CEP112: variants seen among roughly 807,000 people sequenced by gnomAD.
CEP112 encodes centrosomal protein 112.
Under a neutral mutation model 153.0 loss-of-function variants are expected in CEP112, and 127 were observed. That is an observed-to-expected ratio of 0.83 (90% CI 0.72 to 0.96). The LOEUF is 0.96. CEP112 is among the 40% of genes least tolerant of loss of function. The pLI is 0.00. For synonymous variants in CEP112, 358 were observed against 374.4 expected (o/e 0.96, Z 0.51); for missense variants, 1,089 against 1,101.2 (o/e 0.99, Z 0.16).
intron 12 of CEP112, among the ~76,000 whole-genome samples, chr17:66,036,881 C>T (rs2065762484): frequency 6.6e-6 from 1 of 152,178 alleles, no homozygotes; most frequent in Non-Finnish European, 1.5e-5. Flanking sequence ...CACTGCAATA[C>T]TTGAGGTCTC....
At chr17:65,750,827 G>T in intron 21 of CEP112, 103 bp from the exon 22 acceptor site, 1 of 980,388 alleles carries the variant, frequency 1.0e-6, no homozygotes, top group Non-Finnish European at 1.6e-6. Context: ...CAGCTGCACC[G>T]CCCTTCTGGG....
chr17:65,636,282 G>A (rs2143166358), intron 26 of CEP112, among the ~76,000 whole-genome samples: 1 of 152,308 alleles, frequency 6.6e-6, no homozygotes, highest in East Asian at 1.9e-4. Flanking sequence ...ATCTATGTTA[G>A]TGATGGCACT....
chr17:65,949,961 A>C (rs2061767285), intron 18 of CEP112, among the ~76,000 whole-genome samples: 1 of 152,106 alleles, frequency 6.6e-6, no homozygotes, highest in Admixed American at 6.6e-5. Flanking sequence ...GTATTTTCTA[A>C]TTTTTCCTCA....
intron 11 of CEP112, among the ~76,000 whole-genome samples, chr17:66,055,861 T>C (rs112455104): frequency 0.037 from 5,653 of 152,286 alleles, 142 homozygotes; most frequent in South Asian, 0.068. Context: ...TCTGGTCTCA[T>C]AGTCTAACCA....
At chr17:65,999,707 C>T (rs537547354) in intron 17 of CEP112, among the ~76,000 whole-genome samples, 203 of 152,116 alleles carry the variant, frequency 1.3e-3, no homozygotes, top group Admixed American at 2.7e-3. Flanking sequence ...TTTCCCGATC[C>T]TCTCCTTCCT....
At chr17:65,913,040 C>T (rs949806307) in intron 19 of CEP112, among the ~76,000 whole-genome samples, 12 of 152,144 alleles carry the variant, frequency 7.9e-5, no homozygotes, top group African/African-American at 2.4e-4. Context: ...TGTTAAGATG[C>T]ATACTAAGAA....
rs1228626597 is a variant in CEP112 at position 65,688,896 on chromosome 17, T to G, written c.2697+233A>C. ...AATTCCCCTGCCTCAGCCTCCCAAG[T>G]AACTGGGATTACAGGCACCTGCCAC... On this transcript the variant is annotated intron_variant, in intron 24 of 26. Coordinates refer to ENST00000535342, the MANE Select transcript of CEP112 (RefSeq NM_001199165.4). 2 of 343,798 alleles carry G rather than the reference T, an allele frequency of 5.8e-6. 1 individual carries two copies. Among genetic ancestry groups the G allele is most frequent in the East Asian group, 1.2e-4 (2 of 16,268 alleles). The allele number at this position is 343,798 out of a possible 1,614,324, so 21.3% of individuals were successfully genotyped here.
intron 19 of CEP112, among the ~76,000 whole-genome samples, chr17:65,910,383 G>A (rs2060240602): frequency 6.6e-6 from 1 of 152,082 alleles, no homozygotes; most frequent in East Asian, 1.9e-4. Flanking sequence ...AGATGAGGGA[G>A]AAAAGTATCT....
At chr17:66,024,513 T>C (rs2065121588) in intron 16 of CEP112, among the ~76,000 whole-genome samples, 1 of 152,046 alleles carries the variant, frequency 6.6e-6, no homozygotes, top group Non-Finnish European at 1.5e-5. Context: ...GTAGTATTTC[T>C]ATGTATCAAA....
chr17:65,882,385 A>G (rs752037475), intron 20 of CEP112, among the ~76,000 whole-genome samples: 3 of 152,254 alleles, frequency 2.0e-5, no homozygotes, highest in Non-Finnish European at 4.4e-5. Context: ...CCCGTAGTAC[A>G]TGTTGGGCAA....
chr17:65,644,296 G>C, intron 24 of CEP112: 3 of 571,938 alleles, frequency 5.2e-6, no homozygotes, highest in Non-Finnish European at 6.3e-6. Flanking sequence ...GCTGGCACTC[G>C]GCAAGAAGGC....
chr17:65,953,286 G>C (rs191273718), intron 18 of CEP112, among the ~76,000 whole-genome samples: 3 of 152,296 alleles, frequency 2.0e-5, no homozygotes, highest in Admixed American at 2.0e-4. Context: ...TTAATATGTA[G>C]TGTCAAATGG....
At chr17:65,826,166 G>A (rs1198827229) in intron 21 of CEP112, 1 of 1,614,138 alleles carries the variant, frequency 6.2e-7, no homozygotes, top group East Asian at 2.2e-5. Flanking sequence ...AGATTTTCCT[G>A]TATCCCTCAG....
intron 21 of CEP112, among the ~76,000 whole-genome samples, chr17:65,840,735 A>T (rs2057484524): frequency 2.0e-5 from 3 of 152,080 alleles, no homozygotes; most frequent in African/African-American, 7.2e-5. Context: ...AAAAGAAATG[A>T]GAGAACATAT....
chr17:66,133,945 C>G (rs1046156947), intron 4 of CEP112, among the ~76,000 whole-genome samples: 1 of 151,588 alleles, frequency 6.6e-6, no homozygotes, highest in South Asian at 2.1e-4. Context: ...TTTTTTAATA[C>G]CCCTATTCAG....
chr17:65,722,733 T>C (rs1460254791), intron 23 of CEP112, among the ~76,000 whole-genome samples: 2 of 152,194 alleles, frequency 1.3e-5, no homozygotes, highest in Admixed American at 6.5e-5. Context: ...GAACACGATG[T>C]TTGAGAACAG....
chr17:66,021,851 G>C (rs561253574), intron 16 of CEP112, among the ~76,000 whole-genome samples: 1 of 151,672 alleles, frequency 6.6e-6, no homozygotes, highest in East Asian at 1.9e-4. Context: ...CCCAGCCATT[G>C]TCTGGGCAAT....
intron 20 of CEP112, among the ~76,000 whole-genome samples, chr17:65,867,594 A>G (rs1432234065): frequency 6.6e-6 from 1 of 152,186 alleles, no homozygotes; most frequent in Non-Finnish European, 1.5e-5. Flanking sequence ...AGCCAGATGA[A>G]TATCCTGTTA....
intron 2 of CEP112, among the ~76,000 whole-genome samples, chr17:66,181,515 TTG>T (rs55958203): frequency 6.6e-6 from 1 of 151,496 alleles, no homozygotes; most frequent in South Asian, 2.1e-4. Context: ...CCATCTAATT[TTG>T]TGTGTGTGTG....
Sources: allele counts gnomAD v4.1 joint callset (sites outside exome capture counted in the v4.1 genomes callset), GRCh38; gene constraint gnomAD v4.1.1; transcripts MANE v1.5; gene names NCBI Gene and HGNC (gene_info 2026-07-23, HGNC 2026-07-21).